ACSM3: variants seen among roughly 807,000 people sequenced by gnomAD.
ACSM3 encodes acyl-coenzyme A synthetase ACSM3, mitochondrial.
In ACSM3, 61 loss-of-function variants were observed where a neutral mutation model predicts 74.1. The observed-to-expected ratio is 0.82, with a 90% CI of 0.67 to 1.02. ACSM3 has a LOEUF of 1.02. Ranked by LOEUF, ACSM3 falls within the 50% of genes least tolerant of loss-of-function variation. The pLI is 0.00. For missense variants in ACSM3, 660 were observed against 697.0 expected, an observed-to-expected ratio of 0.95 and a Z score of 0.60; for synonymous variants, 213 against 241.5, an observed-to-expected ratio of 0.88 and a Z score of 1.09.
At chr16:20,695,578 CCTATCTATTAT>C (rs898373857) in intron 1 of ACSM3, among the ~76,000 whole-genome samples, 10 of 142,766 alleles carry the variant, frequency 7.0e-5, no homozygotes, top group Non-Finnish European at 1.1e-4. Flanking sequence ...CTATCTATTA[CCTATCTATTAT>C]CTATCTATCA....
chr16:20,792,155 A>C (rs780124164), intron 11 of ACSM3, 26 bp downstream of exon 11: 14 of 1,614,102 alleles, frequency 8.7e-6, no homozygotes, highest in African/African-American at 1.3e-5. Flanking sequence ...ATATGTGCAT[A>C]TGTCTGTGTT....
Position 20,741,660 on chromosome 16 carries a change from C to T in ACSM3, c.-189-8250C>T, listed in dbSNP as rs777570623. The T allele has an allele frequency of 3.7e-5, 58 of 1,583,522 alleles. 1 individual carries two copies. The highest frequency in any genetic ancestry group is 4.9e-5 in the Non-Finnish European group (57 of 1,165,232). On this transcript the variant is annotated intron_variant, in intron 1 of 3. Coordinates refer to the ACSM3 transcript ENST00000561584. ...CCCGCCAGCGTCGCAGCGCCGAGCG[C>T]GCTTGGCCAGCACATACTGAGCCTT...
At chr16:20,750,483 G>C (rs548293553) in intron 2 of ACSM3, among the ~76,000 whole-genome samples, 1 of 152,000 alleles carries the variant, frequency 6.6e-6, no homozygotes, top group Non-Finnish European at 1.5e-5. Flanking sequence ...CCTCTCTCTC[G>C]TTTCTTGTCA....
At chr16:20,779,523 C>A (rs1399610210) in intron 4 of ACSM3, among the ~76,000 whole-genome samples, 1 of 152,030 alleles carries the variant, frequency 6.6e-6, no homozygotes, top group African/African-American at 2.4e-5. Flanking sequence ...ATTCTCAACC[C>A]CACATGCCTG....
intron 9 of ACSM3, among the ~76,000 whole-genome samples, chr16:20,787,434 TAGATA>T (rs2080498713): frequency 6.6e-6 from 1 of 152,232 alleles, no homozygotes; most frequent in Non-Finnish European, 1.5e-5. Context: ...GTACAGCTCT[TAGATA>T]AATGTTTCCC....
At chr16:20,754,896 A>T (rs1387249923) in intron 2 of ACSM3, among the ~76,000 whole-genome samples, 1 of 152,192 alleles carries the variant, frequency 6.6e-6, no homozygotes, top group Non-Finnish European at 1.5e-5. Context: ...AGCTGGGCAG[A>T]AGATAAGTGA....
chr16:20,745,426 T>TA (rs1472676149), intron 1 of ACSM3, among the ~76,000 whole-genome samples: 1 of 151,882 alleles, frequency 6.6e-6, no homozygotes, highest in African/African-American at 2.4e-5. Context: ...CTACTAAAAA[T>TA]AAAAAAATTA....
intron 1 of ACSM3, chr16:20,697,876 C>T (rs1055748685): frequency 6.6e-6 from 1 of 152,240 alleles, no homozygotes; most frequent in African/African-American, 2.4e-5. Flanking sequence ...TTACAGGCCT[C>T]CACGGAGAGA....
intron 3 of ACSM3, among the ~76,000 whole-genome samples, chr16:20,756,287 C>T (rs1319557465): frequency 6.6e-6 from 1 of 152,020 alleles, no homozygotes; most frequent in Non-Finnish European, 1.5e-5. Flanking sequence ...ACATCCTCTC[C>T]AGCACCTGTT....
chr16:20,727,541 C>T (rs993654323), intron 1 of ACSM3: 1 of 295,802 alleles, frequency 3.4e-6, no homozygotes, highest in African/African-American at 2.3e-5. Context: ...ACCTGAGCCC[C>T]TGAAGTGCCT....
chr16:20,738,149 A>T (rs1286010597), intron 1 of ACSM3: 5 of 677,488 alleles, frequency 7.4e-6, no homozygotes, highest in Non-Finnish European at 1.1e-5. Flanking sequence ...TGTATCTAAT[A>T]TATTTTAACT....
chr16:20,766,345 A>G (rs567397670), intron 1 of ACSM3, among the ~76,000 whole-genome samples: 1 of 137,116 alleles, frequency 7.3e-6, no homozygotes, highest in South Asian at 2.4e-4. Flanking sequence ...ATGTCATACA[A>G]CTGTTAAAAG....
At chr16:20,744,408 A>G (rs2079949407) in intron 1 of ACSM3, among the ~76,000 whole-genome samples, 1 of 152,132 alleles carries the variant, frequency 6.6e-6, no homozygotes, top group Admixed American at 6.5e-5. Context: ...GTTTTTTGAG[A>G]CGGAGTCTTG....
intron 1 of ACSM3, 85 bp from the exon 2 acceptor site, chr16:20,769,899 A>G: frequency 1.4e-6 from 1 of 717,720 alleles, no homozygotes; most frequent in Non-Finnish European, 2.4e-6. Flanking sequence ...ATGATTATCA[A>G]TACTAATAAC....
chr16:20,696,800 T>C (rs2079692137), intron 1 of ACSM3, among the ~76,000 whole-genome samples: 1 of 152,192 alleles, frequency 6.6e-6, no homozygotes, highest in African/African-American at 2.4e-5. Context: ...TTGGGACTGA[T>C]AAAGCTATTT....
intron 1 of ACSM3, among the ~76,000 whole-genome samples, chr16:20,678,152 G>T (rs967002784): frequency 6.6e-6 from 1 of 152,066 alleles, no homozygotes; most frequent in African/African-American, 2.4e-5. Flanking sequence ...CACTCCAAAT[G>T]AAAGGGCTTG....
intron 2 of ACSM3, among the ~76,000 whole-genome samples, chr16:20,771,786 T>G (rs1399574330): frequency 6.6e-6 from 1 of 152,200 alleles, no homozygotes; most frequent in African/African-American, 2.4e-5. Flanking sequence ...GGTAGTTTTA[T>G]TTTTAGTTTT....
rs1041360610 is a variant in ACSM3 at position 20,728,540 on chromosome 16, A to G, written c.-189-21370A>G. 50 of 656,176 alleles carry G rather than the reference A, an allele frequency of 7.6e-5. No homozygotes were observed. The African/African-American group carries it at 9.1e-4, about 12-fold the overall frequency. 40.6% of individuals were successfully genotyped at this position (656,176 alleles called of 1,614,324 possible). A position where few individuals can be genotyped will look rare whatever the true frequency, so the allele number is the denominator to read the frequency against. Reference sequence around the variant, plus strand: ...TGTCTTAATACAGACTTTGGTCCAAATTTCATTTCCACCATGTCTTGCTAT... The same window carrying G: ...TGTCTTAATACAGACTTTGGTCCAAGTTTCATTTCCACCATGTCTTGCTAT... On this transcript the variant is annotated intron_variant, in intron 1 of 3. Coordinates refer to the ACSM3 transcript ENST00000561584.
At chr16:20,775,499 G>A (rs527293385) in intron 2 of ACSM3, among the ~76,000 whole-genome samples, 5 of 152,200 alleles carry the variant, frequency 3.3e-5, no homozygotes, top group African/African-American at 1.2e-4. Flanking sequence ...TGCTGATCCT[G>A]GCCAGCTGCT....
Sources: allele counts gnomAD v4.1 joint callset (sites outside exome capture counted in the v4.1 genomes callset), GRCh38; gene constraint gnomAD v4.1.1; transcripts MANE v1.5; gene names NCBI Gene and HGNC (gene_info 2026-07-23, HGNC 2026-07-21).